The following VAC14 variants were observed in gnomAD, a reference collection of about 807,000 sequenced individuals.
The protein encoded by VAC14 is VAC14 component of PIKFYVE complex, also known as protein VAC14 homolog.
In VAC14, 47 loss-of-function variants were observed where a neutral mutation model predicts 85.3. The ratio of observed to expected loss-of-function variants is 0.55; its 90% CI spans 0.44 to 0.70. The LOEUF (loss-of-function observed/expected upper bound fraction) is 0.70, where lower values mean the gene tolerates loss of function less well. Among genes scored for constraint, VAC14 ranks in the 30% least tolerant of loss-of-function variants. The pLI is 0.00. For missense variants in VAC14, 861 were observed against 1,004.3 expected, an observed-to-expected ratio of 0.86 and a Z score of 1.93; for synonymous variants, 447 against 430.5, an observed-to-expected ratio of 1.04 and a Z score of -0.47.
chr16:70,761,189 G>C (rs966797752), intron 12 of VAC14: 1 of 455,816 alleles, frequency 2.2e-6, no homozygotes, highest in Non-Finnish European at 4.4e-6. Flanking sequence ...CTGCAGGACA[G>C]CTGCCCGGGC....
At chr16:70,723,150 G>C (rs1294252759) in intron 14 of VAC14, among the ~76,000 whole-genome samples, 1 of 152,006 alleles carries the variant, frequency 6.6e-6, no homozygotes, top group Admixed American at 6.6e-5. Context: ...TGAACCCGGG[G>C]GGTGGAGGTT....
chr16:70,695,639 A>G lies in VAC14; in HGVS notation c.1956-16T>C. On this transcript the variant is annotated splice_polypyrimidine_tract_variant and intron_variant, in intron 16 of 18. Coordinates refer to ENST00000261776, the MANE Select transcript of VAC14 (RefSeq NM_018052.5). ...CAGGTCCCCACTGGGTGTGCAGTCA[A>G]GGAAAGTCTGTCTGCTGGGCCAGCA... 6.2e-7 allele frequency: 1 copy of G among 1,611,100 alleles called. No homozygotes were observed. The highest frequency in any genetic ancestry group is 8.5e-7 in the Non-Finnish European group (1 of 1,177,792).
rs770928433 is a variant in VAC14, at chr16:70,782,011, G to C, written c.812-8C>G. The stretch of plus-strand genomic sequence containing the variant: ...TCAGCTGGATGAGGTCATCTGGAAG[G>C]GGAATCAGGGGGTTCAGAGGGGCCA... On this transcript the variant is annotated splice_polypyrimidine_tract_variant and splice_region_variant and intron_variant, in intron 7 of 18. Coordinates refer to ENST00000261776, the MANE Select transcript of VAC14 (RefSeq NM_018052.5). 5 of 1,612,712 alleles carry C rather than the reference G, an allele frequency of 3.1e-6. No individual in the cohort carries two copies. The highest frequency in any genetic ancestry group is 4.2e-6 in the Non-Finnish European group (5 of 1,179,234).
At chr16:70,729,802 G>A (rs2054536965) in intron 14 of VAC14, among the ~76,000 whole-genome samples, 2 of 151,928 alleles carry the variant, frequency 1.3e-5, no homozygotes, top group African/African-American at 4.8e-5. Context: ...CCCTTGCACA[G>A]AGTTAGTGTT....
intron 14 of VAC14, among the ~76,000 whole-genome samples, chr16:70,701,685 C>T (rs1014743808): frequency 6.6e-6 from 1 of 152,180 alleles, no homozygotes; most frequent in African/African-American, 2.4e-5. Flanking sequence ...TCAGAACATG[C>T]CCCTCCCTGC....
At chr16:70,739,950 A>G (rs554601281) in intron 13 of VAC14, among the ~76,000 whole-genome samples, 1 of 152,258 alleles carries the variant, frequency 6.6e-6, no homozygotes, top group African/African-American at 2.4e-5. Context: ...GTATACTGAC[A>G]TGAACAGTTT....
In VAC14 at chr16:70,687,841, G is replaced by A; in HGVS notation, c.*87C>T. On this transcript the variant is annotated 3_prime_UTR_variant, in exon 19 of 19. Transcript: ENST00000261776. ...GGCAGGCCCAGCCCTGGTCCTGACA[G>A]GCAGGTCCTTGAGCTCCTCGGGAGG... 1.5e-6 allele frequency: 2 copies of A among 1,308,978 alleles called. No homozygotes were observed. The highest frequency in any genetic ancestry group is 2.1e-5 in the South Asian group (1 of 46,608). 81.1% of individuals were successfully genotyped at this position (1,308,978 alleles called of 1,614,324 possible).
At chr16:70,715,197 G>C (rs938915616) in intron 14 of VAC14, 1 of 152,250 alleles carries the variant, frequency 6.6e-6, no homozygotes, top group African/African-American at 2.4e-5. Context: ...TGCTTGCTGT[G>C]TCAGAAACAC....
At chr16:70,742,026 TGAGCAG>T (rs2030369507) in intron 13 of VAC14, among the ~76,000 whole-genome samples, 1 of 152,164 alleles carries the variant, frequency 6.6e-6, no homozygotes, top group African/African-American at 2.4e-5. Context: ...CCTCCTTCCA[TGAGCAG>T]GAGCCTAAAT....
chr16:70,723,321 T>C (rs1325157122), intron 14 of VAC14, among the ~76,000 whole-genome samples: 5 of 152,116 alleles, frequency 3.3e-5, no homozygotes, highest in Non-Finnish European at 7.3e-5. Flanking sequence ...TGTGTGCCTA[T>C]AGTCCCAGCT....
chr16:70,785,007 G>C (rs1215548390), intron 3 of VAC14, among the ~76,000 whole-genome samples, 169 bp from the exon 4 acceptor site: 1 of 152,250 alleles, frequency 6.6e-6, no homozygotes, highest in African/African-American at 2.4e-5. Flanking sequence ...GAAAGTGGGA[G>C]TGGGTACAAT....
intron 1 of VAC14, among the ~76,000 whole-genome samples, chr16:70,790,681 C>T (rs559042328): frequency 3.3e-5 from 5 of 152,278 alleles, no homozygotes; most frequent in Admixed American, 1.3e-4. Flanking sequence ...CACCCCCTCA[C>T]CTTTGCAAAG....
rs2034775710 is a variant in VAC14 at position 70,800,951 on chromosome 16, C to G, written c.-51G>C. 2.1e-6 allele frequency: 3 copies of G among 1,411,618 alleles called. No homozygotes were observed. The highest frequency in any genetic ancestry group is 2.9e-6 in the Non-Finnish European group (3 of 1,048,024). The allele number at this position is 1,411,618 out of a possible 1,614,324, so 87.4% of individuals were successfully genotyped here. ...CTCCTTAGCCCGCGGCTGCCGGGGC[C>G]GCGCCGGGGCCAGGGGAGTCTGCGG... On this transcript the variant is annotated 5_prime_UTR_variant, in exon 1 of 19. Coordinates refer to ENST00000261776, the MANE Select transcript of VAC14 (RefSeq NM_018052.5).
At chr16:70,731,442 T>C (rs1286423144) in intron 14 of VAC14, 53 bp downstream of exon 14, 2 of 1,581,690 alleles carry the variant, frequency 1.3e-6, no homozygotes, top group Admixed American at 1.9e-5. Context: ...GGCGTGAAAG[T>C]GAAAAGCCGG....
At chr16:70,733,526 T>C (rs781342073) in intron 13 of VAC14, among the ~76,000 whole-genome samples, 2 of 152,050 alleles carry the variant, frequency 1.3e-5, no homozygotes, top group Non-Finnish European at 2.9e-5. Context: ...GGGAGGTTAC[T>C]GGATGATGGG....
Position 70,762,219 on chromosome 16 carries a change from C to CTCA in VAC14, c.1371+320_1371+321insTGA, listed in dbSNP as rs2032450052. On this transcript the variant is annotated intron_variant, in intron 12 of 18. Coordinates refer to ENST00000261776, the MANE Select transcript of VAC14 (RefSeq NM_018052.5). The surrounding 1 kb of genome is among the most constrained non-coding windows in gnomAD (Gnocchi z 4.1). ...GCCTCCTGGGTTCAAGCAATTCTCC[C>CTCA]ACCTCAACCTCCTGAGCAGCTGGGA... Among the ~76,000 whole-genome samples, 1 of 152,092 alleles carries CTCA rather than the reference C, an allele frequency of 6.6e-6. No homozygotes were observed. The highest frequency in any genetic ancestry group is 6.5e-5 in the Admixed American group (1 of 15,274).
In VAC14 at chr16:70,692,846, G is replaced by A; in HGVS notation, c.2161C>T (p.Pro721Ser). The A allele has an allele frequency of 6.2e-7, 1 of 1,602,042 alleles. No homozygotes were observed. The highest frequency in any genetic ancestry group is 8.5e-7 in the Non-Finnish European group (1 of 1,176,296). ...QLLSHRLQCV[P>S]NPELLQTEDS... ...TCGGTCTGCAGCAGCTCAGGGTTGGGCACGCACTGGAGCCGGTGCGAGAGC... is the reference window on the plus strand; with the variant it reads ...TCGGTCTGCAGCAGCTCAGGGTTGGACACGCACTGGAGCCGGTGCGAGAGC... The change falls in exon 18 of 19, where the codon CCC (proline) becomes TCC (serine). Residue 721 changes from proline to serine, a missense_variant. Around this residue, in one of 3 missense-constraint regions of VAC14, gnomAD observed 163 missense variants for 162.2 expected, o/e 1.00. Coordinates refer to ENST00000261776, the MANE Select transcript of VAC14 (RefSeq NM_018052.5).
intron 1 of VAC14, 80 bp downstream of exon 1, chr16:70,800,717 T>G: frequency 7.9e-7 from 1 of 1,272,780 alleles, no homozygotes. Flanking sequence ...TAACCCTGGC[T>G]GGGAAGGCGT....
At chr16:70,730,828 C>T (rs1000334539) in intron 14 of VAC14, among the ~76,000 whole-genome samples, 2 of 152,128 alleles carry the variant, frequency 1.3e-5, no homozygotes, top group East Asian at 3.9e-4. Flanking sequence ...CTGAGAACCA[C>T]GGCTGGACAG....
Sources: allele counts gnomAD v4.1 joint callset (sites outside exome capture counted in the v4.1 genomes callset), GRCh38; gene constraint gnomAD v4.1.1; regional missense constraint gnomAD v4.1.1; non-coding constraint Gnocchi (gnomAD v3.1); transcripts MANE v1.5; gene names NCBI Gene and HGNC (gene_info 2026-07-23, HGNC 2026-07-21).